Variants in ARID1B observed in about 807,000 individuals in gnomAD.
The protein encoded by ARID1B is AT-rich interactive domain-containing protein 1B.
In ARID1B, 30 loss-of-function variants were observed where a neutral mutation model predicts 212.3. That is an observed-to-expected ratio of 0.14 (90% CI 0.11 to 0.19). ARID1B has a LOEUF of 0.19. Among genes scored for constraint, ARID1B ranks in the 10% least tolerant of loss-of-function variants. The pLI is 1.00. For missense variants in ARID1B, 2,891 were observed against 3,204.0 expected (o/e 0.90, Z 2.36); for synonymous variants, 1,402 against 1,301.7 (o/e 1.08, Z -1.66).
At chr6:157,005,128 GTTT>G (rs914908254) in intron 4 of ARID1B, among the ~76,000 whole-genome samples, 2 of 125,386 alleles carry the variant, frequency 1.6e-5, no homozygotes, top group Admixed American at 7.7e-5. Context: ...TGGCCAGGCT[GTTT>G]TTTGTTGTTG....
chr6:157,048,307 C>CAT (rs1466694996), intron 4 of ARID1B, among the ~76,000 whole-genome samples: 1 of 152,250 alleles, frequency 6.6e-6, no homozygotes, highest in East Asian at 1.9e-4. Flanking sequence ...TTAATACTTG[C>CAT]ATAACAGATG....
intron 2 of ARID1B, among the ~76,000 whole-genome samples, chr6:156,899,819 A>G (rs940540317): frequency 3.3e-5 from 5 of 152,324 alleles, no homozygotes; most frequent in Admixed American, 6.5e-5. Flanking sequence ...AGCGCAATTC[A>G]TAGGGGAGTT....
In ARID1B at chr6:157,021,297, G is replaced by A. The variant is rs184322891; in HGVS notation, c.2248-63365G>A. Among the ~76,000 whole-genome samples, 367 of 152,324 alleles carry A rather than the reference G, an allele frequency of 2.4e-3. 3 individuals carry two copies. Among genetic ancestry groups the A allele is most frequent in the African/African-American group, 8.2e-3 (342 of 41,588 alleles). On this transcript the variant is annotated intron_variant, in intron 4 of 19. Coordinates refer to ENST00000636930, the MANE Select transcript of ARID1B (RefSeq NM_001374828.1). ...CTCGCCCGCGCCCACGGAAGAAGCC[G>A]AGCTCCTCCGAAGGGAGAACCAGTG...
intron 4 of ARID1B, chr6:156,942,556 T>C (rs1052803632): frequency 6.6e-6 from 1 of 151,752 alleles, no homozygotes; most frequent in East Asian, 1.9e-4. Context: ...TCCACAATGG[T>C]GCAGAGGCCA....
chr6:156,863,637 A>G (rs534777283), intron 2 of ARID1B, among the ~76,000 whole-genome samples: 1 of 152,306 alleles, frequency 6.6e-6, no homozygotes, highest in African/African-American at 2.4e-5. Flanking sequence ...TTGTATCTCT[A>G]TTTTATAGAT....
At chr6:157,187,834 A>G (rs372692100) in intron 13 of ARID1B, among the ~76,000 whole-genome samples, 8 of 151,694 alleles carry the variant, frequency 5.3e-5, no homozygotes, top group Admixed American at 3.9e-4. Flanking sequence ...ATACTTGTAA[A>G]TAAGGGTCTT....
chr6:156,838,033 A>C (rs1159088466), intron 2 of ARID1B, among the ~76,000 whole-genome samples: 1 of 152,254 alleles, frequency 6.6e-6, no homozygotes. Context: ...CTTATGGAGA[A>C]GTGTGTTTAA....
At chr6:157,085,009 A>G (rs1463999286) in intron 5 of ARID1B, 104 bp downstream of exon 5, 28 of 1,395,230 alleles carry the variant, frequency 2.0e-5, no homozygotes, top group Non-Finnish European at 2.5e-5. Context: ...CCTAGTGGCC[A>G]CATATTAAGA....
chr6:156,923,145 C>G (rs560285212), intron 3 of ARID1B, among the ~76,000 whole-genome samples: 23 of 152,288 alleles, frequency 1.5e-4, no homozygotes, highest in Non-Finnish European at 2.9e-4. Flanking sequence ...GGTGGGTGGA[C>G]AGGTATCTAC....
intron 16 of ARID1B, 111 bp from the exon 17 acceptor site, chr6:157,198,700 A>C (rs1793907353): frequency 1.1e-6 from 1 of 886,840 alleles, no homozygotes; most frequent in African/African-American, 1.7e-5. Flanking sequence ...TGCGCAGTAA[A>C]AGCCACACAG....
chr6:157,091,914 A>G (rs893841082), intron 5 of ARID1B, among the ~76,000 whole-genome samples: 7 of 152,230 alleles, frequency 4.6e-5, no homozygotes, highest in Admixed American at 3.9e-4. Context: ...CTGCATAATC[A>G]TCTTACCTAA....
chr6:156,824,273 T>C (rs1382426007), intron 1 of ARID1B, among the ~76,000 whole-genome samples: 1 of 152,216 alleles, frequency 6.6e-6, no homozygotes, highest in Non-Finnish European at 1.5e-5. Context: ...TATTGTGGCC[T>C]TCACAGCACT....
intron 8 of ARID1B, among the ~76,000 whole-genome samples, chr6:157,161,429 GTGTA>G (rs966109969): frequency 1.5e-5 from 2 of 134,028 alleles, no homozygotes; most frequent in African/African-American, 3.0e-5. Flanking sequence ...GATTGTGTGT[GTGTA>G]TATATATATA....
In ARID1B at chr6:157,018,285, C is replaced by T. The variant is rs140318667; in HGVS notation, c.2248-66377C>T. Reference sequence around the variant, plus strand: ...AGGCTGGAGTGCAGTGGTACAACCTCGGCTCACTGCAACCTCTGCTTCCCA... The same window carrying T: ...AGGCTGGAGTGCAGTGGTACAACCTTGGCTCACTGCAACCTCTGCTTCCCA... On this transcript the variant is annotated intron_variant, in intron 4 of 19. Coordinates refer to ENST00000636930, the MANE Select transcript of ARID1B (RefSeq NM_001374828.1). Among the ~76,000 whole-genome samples, 158 of 137,392 alleles carry T rather than the reference C, an allele frequency of 1.1e-3. 1 individual carries two copies. The highest frequency in any genetic ancestry group is 2.2e-3 in the South Asian group (10 of 4,504). 90.1% of individuals were successfully genotyped at this position (137,392 alleles called of 152,430 possible).
At chr6:156,892,150 G>T (rs1308772372) in intron 2 of ARID1B, among the ~76,000 whole-genome samples, 1 of 149,758 alleles carries the variant, frequency 6.7e-6, no homozygotes, top group Non-Finnish European at 1.5e-5. Context: ...CAGCCACCTC[G>T]GCCTCCCAAA....
At chr6:157,059,199 C>A (rs1729425974) in intron 4 of ARID1B, among the ~76,000 whole-genome samples, 1 of 151,754 alleles carries the variant, frequency 6.6e-6, no homozygotes, top group Non-Finnish European at 1.5e-5. Context: ...TGTGAAAGTG[C>A]TTGGAAAATA....
At position 156,777,738 on chromosome 6, in the gene ARID1B, G is replaced by A. The variant is rs868243197; in HGVS notation, c.58G>A (p.Ala20Thr). The A allele has an allele frequency of 7.5e-3, 2,043 of 272,348 alleles. 50 individuals are homozygous for A. The highest frequency in any genetic ancestry group is 0.046 in the African/African-American group (1,940 of 42,298). 16.9% of individuals were successfully genotyped at this position (272,348 alleles called of 1,614,324 possible). A position where few individuals can be genotyped will look rare whatever the true frequency, so the allele number is the denominator to read the frequency against. ...GGCGGCGGCGCGGGCGCGGGCGCGG[G>A]CAGGCAGCGGCGAACGGCGGGCGCC... ...AAAAARARAR[A>T]GSGERRAPPG... Residue 20 changes from alanine (A) to threonine (T), a missense_variant, in exon 1 of 20, where the codon GCA becomes ACA. Ala to Thr is a moderately conservative substitution (Grantham distance 58, BLOSUM62 0). Transcript: ENST00000636930.
intron 2 of ARID1B, among the ~76,000 whole-genome samples, chr6:156,850,581 G>C (rs935292334): frequency 1.1e-4 from 17 of 152,232 alleles, no homozygotes; most frequent in Admixed American, 9.8e-4. Context: ...ATCACAGAGT[G>C]GCTCTTCGTT....
rs1791371975 is a variant in ARID1B, at chr6:157,167,043, A to T, written c.3093A>T (p.Gln1031His). 1 of 1,611,168 alleles carries T rather than the reference A, an allele frequency of 6.2e-7. No homozygotes were observed. The highest frequency in any genetic ancestry group is 8.5e-7 in the Non-Finnish European group (1 of 1,179,970). ...GCTGTGCTTTCTCTTCCTGTAGGCAAGGCAGTTTCCCCGGCATGAACCAGA... is the reference window on the plus strand; with the variant it reads ...GCTGTGCTTTCTCTTCCTGTAGGCATGGCAGTTTCCCCGGCATGAACCAGA... The part of the protein sequence containing the change: ...QAAANSAQSR[Q>H]GSFPGMNQSG... Residue 1031 changes from glutamine (Q) to histidine (H), a missense_variant, in exon 9 of 20, where the codon CAA becomes CAT. Transcript: ENST00000636930.
Sources: gnomAD v4.1 joint callset for allele counts (sites outside exome capture counted in the v4.1 genomes callset) on GRCh38, gnomAD v4.1.1 for gene constraint, MANE v1.5 for transcripts, NCBI Gene and HGNC (gene_info 2026-07-23, HGNC 2026-07-21) for gene names.